Variants in KCNK2 observed in about 807,000 individuals in gnomAD.
KCNK2 encodes potassium two pore domain channel subfamily K member 2.
KCNK2 carries 21 observed loss-of-function variants against 40.5 expected under a neutral mutation model. That is an observed-to-expected ratio of 0.52 (90% confidence interval 0.37 to 0.75). KCNK2 has a LOEUF of 0.75. KCNK2 is among the 30% of genes least tolerant of loss of function. The pLI is 0.00. For missense variants in KCNK2, 399 were observed against 531.6 expected (o/e 0.75, Z 2.45); for synonymous variants, 191 against 202.2 (o/e 0.94, Z 0.47).
At chr1:215,216,446 A>G (rs953175945) in intron 6 of KCNK2, among the ~76,000 whole-genome samples, 53 of 148,226 alleles carry the variant, frequency 3.6e-4, no homozygotes, top group African/African-American at 1.1e-3. Flanking sequence ...TTTGTATATC[A>G]GATTATTATA....
intron 6 of KCNK2, among the ~76,000 whole-genome samples, chr1:215,211,752 A>G (rs1013431975): frequency 1.3e-5 from 2 of 152,166 alleles, no homozygotes; most frequent in Non-Finnish European, 2.9e-5. Flanking sequence ...AATCTTTAAT[A>G]ATGTAGAGAT....
At chr1:215,137,413 G>C (rs1661978900) in intron 3 of KCNK2, among the ~76,000 whole-genome samples, 1 of 152,142 alleles carries the variant, frequency 6.6e-6, no homozygotes, top group Non-Finnish European at 1.5e-5. Context: ...ATTGACTTTG[G>C]CTGCCTTCAT....
intron 2 of KCNK2, among the ~76,000 whole-genome samples, chr1:215,093,905 T>G (rs1167661631): frequency 8.7e-6 from 1 of 114,560 alleles, no homozygotes; most frequent in Non-Finnish European, 1.7e-5. Context: ...AAATATATTA[T>G]ATATTATATA....
At chr1:215,208,859 G>A (rs116134617) in intron 6 of KCNK2, among the ~76,000 whole-genome samples, 2,300 of 151,886 alleles carry the variant, frequency 0.015, 54 homozygotes, top group African/African-American at 0.05. Flanking sequence ...ATGGAGTCTC[G>A]TTCTGTGGAC....
intron 1 of KCNK2, among the ~76,000 whole-genome samples, chr1:215,062,142 A>G (rs964615797): frequency 2.6e-5 from 4 of 152,180 alleles, no homozygotes; most frequent in Admixed American, 2.0e-4. Context: ...AACACCAGAC[A>G]GGTCTCTGAC....
intron 2 of KCNK2, among the ~76,000 whole-genome samples, chr1:215,087,393 A>G (rs1305407318): frequency 6.6e-6 from 1 of 152,260 alleles, no homozygotes; most frequent in African/African-American, 2.4e-5. Context: ...TAGCAGAACA[A>G]TATCCTTACA....
At chr1:215,022,820 A>C (rs942648015) in intron 1 of KCNK2, among the ~76,000 whole-genome samples, 1 of 152,218 alleles carries the variant, frequency 6.6e-6, no homozygotes. Flanking sequence ...ATGGGAAAGA[A>C]AGAAACAAAC....
At chr1:215,063,635 C>A (rs563486553) in intron 1 of KCNK2, among the ~76,000 whole-genome samples, 18 of 152,162 alleles carry the variant, frequency 1.2e-4, no homozygotes, top group Non-Finnish European at 2.4e-4. Context: ...AAGCAATGAT[C>A]GTAAATTAAT....
intron 5 of KCNK2, among the ~76,000 whole-genome samples, chr1:215,182,606 G>A (rs567544871): frequency 5.9e-5 from 9 of 152,104 alleles, no homozygotes; most frequent in Non-Finnish European, 7.4e-5. Context: ...GGCCTGTGAC[G>A]GAGGAGAGCA....
At chr1:215,173,840 G>C (rs1231319471) in intron 5 of KCNK2, among the ~76,000 whole-genome samples, 1 of 152,126 alleles carries the variant, frequency 6.6e-6, no homozygotes, top group Non-Finnish European at 1.5e-5. Context: ...TTGTAAATTT[G>C]TTGGAGTTCA....
At chr1:215,038,163 C>T (rs1657448593) in intron 1 of KCNK2, among the ~76,000 whole-genome samples, 1 of 152,124 alleles carries the variant, frequency 6.6e-6, no homozygotes, top group South Asian at 2.1e-4. Context: ...ATTAGAGACC[C>T]TGAATCTCAT....
intron 6 of KCNK2, among the ~76,000 whole-genome samples, chr1:215,217,141 C>T (rs1665995356): frequency 2.0e-5 from 3 of 152,102 alleles, no homozygotes; most frequent in Non-Finnish European, 4.4e-5. Context: ...CTTTTGCTGC[C>T]TGGGTATTTC....
intron 2 of KCNK2, among the ~76,000 whole-genome samples, chr1:215,099,379 G>A (rs1020874318): frequency 6.6e-6 from 1 of 151,902 alleles, no homozygotes; most frequent in Non-Finnish European, 1.5e-5. Context: ...ATTCATTGGA[G>A]TATATATAAG....
intron 1 of KCNK2, among the ~76,000 whole-genome samples, chr1:215,067,923 TAGTG>T (rs1658614849): frequency 6.6e-6 from 1 of 152,168 alleles, no homozygotes; most frequent in African/African-American, 2.4e-5. Context: ...AAAATATTGT[TAGTG>T]AGAGATCCTC....
intron 3 of KCNK2, among the ~76,000 whole-genome samples, 173 bp from the exon 4 acceptor site, chr1:215,169,026 T>C (rs1267845131): frequency 6.6e-6 from 1 of 152,200 alleles, no homozygotes; most frequent in East Asian, 1.9e-4. Context: ...TATTTGCTTA[T>C]AAGAATATCT....
At chr1:215,137,926 C>G (rs562802275) in intron 3 of KCNK2, among the ~76,000 whole-genome samples, 18 of 152,226 alleles carry the variant, frequency 1.2e-4, no homozygotes, top group African/African-American at 4.3e-4. Context: ...AGCCTGAAAT[C>G]ATGTTCTGAA....
intron 3 of KCNK2, among the ~76,000 whole-genome samples, chr1:215,132,850 A>C (rs1661737427): frequency 6.6e-6 from 1 of 152,214 alleles, no homozygotes; most frequent in Admixed American, 6.5e-5. Flanking sequence ...CTGAATTACT[A>C]CATAAATAGT....
At chr1:215,113,658 C>T (rs539971566) in intron 2 of KCNK2, among the ~76,000 whole-genome samples, 201 of 152,234 alleles carry the variant, frequency 1.3e-3, no homozygotes, top group Middle Eastern at 3.4e-3. Flanking sequence ...TGCAATGGCA[C>T]GATCCCGGCT....
chr1:215,058,910 G>T (rs1658260160), intron 1 of KCNK2, among the ~76,000 whole-genome samples: 1 of 152,032 alleles, frequency 6.6e-6, no homozygotes, highest in Admixed American at 6.6e-5. Context: ...TCTCTGAGGG[G>T]CTTTAGATGA....
Sources: gnomAD v4.1 joint callset for allele counts (sites outside exome capture counted in the v4.1 genomes callset) on GRCh38, gnomAD v4.1.1 for gene constraint, MANE v1.5 for transcripts, NCBI Gene and HGNC (gene_info 2026-07-23, HGNC 2026-07-21) for gene names.